MPPE1: variants seen among roughly 807,000 people sequenced by gnomAD.
MPPE1 encodes metallophosphoesterase 1.
In MPPE1, 28 loss-of-function variants were observed where a neutral mutation model predicts 43.8. The ratio of observed to expected loss-of-function variants is 0.64; its 90% CI spans 0.47 to 0.88. The LOEUF (loss-of-function observed/expected upper bound fraction) is 0.88. Ranked by LOEUF, MPPE1 falls within the 40% of genes least tolerant of loss-of-function variation. The probability of loss-of-function intolerance (pLI) is 0.00; values close to 1 mark genes in which losing one functional copy is unlikely to be tolerated. For synonymous variants in MPPE1, 159 were observed against 188.5 expected, an observed-to-expected ratio of 0.84 and a Z score of 1.28; for missense variants, 428 against 492.2, an observed-to-expected ratio of 0.87 and a Z score of 1.23.
At chr18:11,903,229 A>G (rs1465788634) in intron 2 of MPPE1, among the ~76,000 whole-genome samples, 1 of 152,136 alleles carries the variant, frequency 6.6e-6, no homozygotes, top group Non-Finnish European at 1.5e-5. Context: ...CTGCCACATT[A>G]AAGTGTTAAT....
At chr18:11,901,364 G>C (rs1428726547) in intron 2 of MPPE1, among the ~76,000 whole-genome samples, 3 of 151,930 alleles carry the variant, frequency 2.0e-5, no homozygotes, top group Non-Finnish European at 2.9e-5. Flanking sequence ...CCAAGTAGCT[G>C]AGACTACAGA....
At chr18:11,896,529 T>G (rs181717803) in intron 3 of MPPE1, among the ~76,000 whole-genome samples, 118 of 152,326 alleles carry the variant, frequency 7.7e-4, no homozygotes, top group African/African-American at 2.7e-3. Context: ...TCTGCTCCTC[T>G]GCTGCCTAGA....
intron 3 of MPPE1, among the ~76,000 whole-genome samples, chr18:11,896,095 CTTTTTTTTTTT>C (rs1178920790): frequency 6.2e-5 from 5 of 80,420 alleles, no homozygotes; most frequent in African/African-American, 9.4e-5. Context: ...ATTCTTTATT[CTTTTTTTTTTT>C]TTTTTTTTTT....
At chr18:11,891,672 A>G (rs967650481) in intron 4 of MPPE1, among the ~76,000 whole-genome samples, 1 of 152,234 alleles carries the variant, frequency 6.6e-6, no homozygotes, top group African/African-American at 2.4e-5. Flanking sequence ...GCAACTCTGT[A>G]AACTGGTTCC....
chr18:11,884,388 G>T lies in MPPE1; in HGVS notation c.*57C>A. On this transcript the variant is annotated 3_prime_UTR_variant, in exon 11 of 11. Transcript: ENST00000588072. The stretch of plus-strand genomic sequence containing the variant: ...CTCATCATCCACTTGATTCTAACAT[G>T]ATCTCTGCCCAAAGTTCCATTTCTT... The T allele has an allele frequency of 6.4e-7, 1 of 1,551,770 alleles. No individual in the cohort carries two copies. Among genetic ancestry groups the T allele is most frequent in the Non-Finnish European group, 8.8e-7 (1 of 1,130,436 alleles).
In MPPE1 at chr18:11,884,146, C is replaced by T. The variant is rs111911290; in HGVS notation, c.*299G>A. 12 of 283,786 alleles carry T rather than the reference C, an allele frequency of 4.2e-5. 1 individual carries two copies. The highest frequency in any genetic ancestry group is 6.5e-5 in the African/African-American group (3 of 46,316). The allele number at this position is 283,786 out of a possible 1,614,324, so 17.6% of individuals were successfully genotyped here. On this transcript the variant is annotated 3_prime_UTR_variant, in exon 11 of 11. Transcript: ENST00000588072. ...CCCTTCCTGGGGGAACAAGGACTGT[C>T]GTGCATGTGAGTGACGACATTAATA... is the stretch of plus-strand genomic sequence containing the variant.
intron 10 of MPPE1, 91 bp from the exon 11 acceptor site, chr18:11,884,718 C>G: frequency 7.0e-7 from 1 of 1,423,942 alleles, no homozygotes; most frequent in South Asian, 1.3e-5. Context: ...ACTGCCTTCT[C>G]AGGTCCCCCT....
intron 2 of MPPE1, chr18:11,902,698 C>A (rs2039324243): frequency 6.6e-6 from 1 of 152,126 alleles, no homozygotes; most frequent in South Asian, 2.1e-4. Flanking sequence ...TCTTCTACAC[C>A]CCCTTCTCTT....
chr18:11,893,474 G>T lies in MPPE1; in HGVS notation c.384C>A (p.Thr128=). 1 of 1,611,426 alleles carries T rather than the reference G, an allele frequency of 6.2e-7. No individual in the cohort carries two copies. Among genetic ancestry groups the T allele is most frequent in the Non-Finnish European group, 8.5e-7 (1 of 1,178,420 alleles). ...CTGGAACACAGAGTCCTACCTCAGG[G>T]GTGCTCCACTTCCCTTCATCAAAGA... ...GDIFDEGKWS[T]PEAWADDVER... is the part of the protein sequence containing the mutation. The change falls in exon 4 of 11, where the codon ACC becomes ACA. Residue 128 remains threonine (T), a synonymous_variant. Transcript: ENST00000588072.
rs560726457 is a variant in MPPE1 at position 11,883,759 on chromosome 18, T to C, written c.*686A>G. 4.3e-4 allele frequency: 66 copies of C among 152,286 alleles called. No individual in the cohort carries two copies. Among genetic ancestry groups the C allele is most frequent in the African/African-American group, 1.5e-3 (61 of 41,528 alleles). The allele number at this position is 152,286 out of a possible 1,614,324, so 9.4% of individuals were successfully genotyped here. A position where few individuals can be genotyped will look rare whatever the true frequency, so the allele number is the denominator to read the frequency against. ...TTGCCCAGGCTGGAGTGCAGTGGCATGATCTTGGCTCACTGCAACCTCCGC... is the reference window on the plus strand; with the variant it reads ...TTGCCCAGGCTGGAGTGCAGTGGCACGATCTTGGCTCACTGCAACCTCCGC... On this transcript the variant is annotated 3_prime_UTR_variant, in exon 11 of 11. Transcript: ENST00000588072.
intron 2 of MPPE1, among the ~76,000 whole-genome samples, chr18:11,897,911 G>A (rs1012068056): frequency 1.3e-5 from 2 of 152,224 alleles, no homozygotes; most frequent in African/African-American, 4.8e-5. Flanking sequence ...GGATCTGACA[G>A]TGAAACCACC....
At chr18:11,891,354 T>G (rs1395054412) in intron 4 of MPPE1, 1 of 151,156 alleles carries the variant, frequency 6.6e-6, no homozygotes, top group African/African-American at 2.5e-5. Context: ...GTGCCTGTAA[T>G]CCCAACTACT....
intron 2 of MPPE1, among the ~76,000 whole-genome samples, chr18:11,898,841 T>C (rs7234994): frequency 0.27 from 40,382 of 151,750 alleles, 7,948 homozygotes; most frequent in African/African-American, 0.55. Flanking sequence ...AAACCCTAAC[T>C]TCTGAGATTC....
At chr18:11,904,916 C>T (rs901408457) in intron 2 of MPPE1, among the ~76,000 whole-genome samples, 1 of 151,770 alleles carries the variant, frequency 6.6e-6, no homozygotes, top group Non-Finnish European at 1.5e-5. Flanking sequence ...GCACTCCAGC[C>T]TAGGCGACAG....
intron 2 of MPPE1, among the ~76,000 whole-genome samples, chr18:11,904,573 C>A (rs1425472176): frequency 6.6e-6 from 1 of 152,150 alleles, no homozygotes; most frequent in Non-Finnish European, 1.5e-5. Context: ...CTGGCCTCGG[C>A]CTCCCAAAAT....
In MPPE1 at chr18:11,882,878, A is replaced by G. The variant is rs1217814548; in HGVS notation, c.*1567T>C. ...CAGCCTCAAACATTATGACACACCAACAATATCTAGAAAGTAAGAACTGGT... is the reference window on the plus strand; with the variant it reads ...CAGCCTCAAACATTATGACACACCAGCAATATCTAGAAAGTAAGAACTGGT... On this transcript the variant is annotated 3_prime_UTR_variant, in exon 11 of 11. Transcript: ENST00000588072. 1 of 152,174 alleles carries G rather than the reference A, an allele frequency of 6.6e-6. No individual in the cohort carries two copies. Among genetic ancestry groups the G allele is most frequent in the Non-Finnish European group, 1.5e-5 (1 of 68,036 alleles). The allele number at this position is 152,174 out of a possible 1,614,324, so 9.4% of individuals were successfully genotyped here. A position where few individuals can be genotyped will look rare whatever the true frequency, so the allele number is the denominator to read the frequency against.
Position 11,897,068 on chromosome 18 carries a change from C to G in MPPE1, c.197G>C (p.Arg66Pro). ...TTASDGEQTT[R>P]EPVLKAMFLA... The stretch of plus-strand genomic sequence containing the variant: ...AAACATGGCTTTGAGCACAGGCTCA[C>G]GTGTGGTCTGTTCACCATCAGAGGC... The change falls in exon 3 of 11, where the codon CGT (arginine) becomes CCT (proline). Residue 66 changes from arginine to proline, a missense_variant. Transcript: ENST00000588072. 1 of 1,532,680 alleles carries G rather than the reference C, an allele frequency of 6.5e-7. No homozygotes were observed. The highest frequency in any genetic ancestry group is 1.4e-5 in the African/African-American group (1 of 72,454). The allele number at this position is 1,532,680 out of a possible 1,614,324, so 94.9% of individuals were successfully genotyped here.
At chr18:11,900,527 C>A (rs1008992124) in intron 2 of MPPE1, among the ~76,000 whole-genome samples, 19 of 151,730 alleles carry the variant, frequency 1.3e-4, no homozygotes, top group Non-Finnish European at 2.9e-5. Context: ...AATAAAATAA[C>A]CCCCATTCCC....
intron 3 of MPPE1, chr18:11,895,242 C>T (rs2038468522): frequency 6.6e-6 from 1 of 152,138 alleles, no homozygotes; most frequent in Non-Finnish European, 1.5e-5. Flanking sequence ...GCCAGGAGTT[C>T]AAAACCAGCA....
Sources: gnomAD v4.1 joint callset for allele counts (sites outside exome capture counted in the v4.1 genomes callset) on GRCh38, gnomAD v4.1.1 for gene constraint, MANE v1.5 for transcripts, NCBI Gene and HGNC (gene_info 2026-07-23, HGNC 2026-07-21) for gene names.